Variants in CHEK1 observed in about 807,000 individuals in gnomAD.
CHEK1 encodes serine/threonine-protein kinase Chk1.
In CHEK1, 32 loss-of-function variants were observed where a neutral mutation model predicts 60.2. That is an observed-to-expected ratio of 0.53 (90% CI 0.40 to 0.71). The LOEUF is 0.71. Among genes scored for constraint, CHEK1 ranks in the 30% least tolerant of loss-of-function variants. The pLI, the probability that CHEK1 is intolerant of heterozygous loss-of-function variation, is 0.00. For synonymous variants in CHEK1, 179 were observed against 187.2 expected (o/e 0.96, Z 0.36); for missense variants, 399 against 564.6 (o/e 0.71, Z 2.97).
chr11:125,668,278 G>A (rs1003349369), intron 13 of CHEK1, among the ~76,000 whole-genome samples: 2 of 152,234 alleles, frequency 1.3e-5, no homozygotes, highest in African/African-American at 4.8e-5. Context: ...GTTCCTCGAT[G>A]TTTATATTTC....
intron 13 of CHEK1, among the ~76,000 whole-genome samples, chr11:125,673,212 C>CTTTT (rs11434532): frequency 4.7e-5 from 6 of 126,838 alleles, no homozygotes; most frequent in African/African-American, 1.9e-4. Flanking sequence ...CTTTTCTTTT[C>CTTTT]TTTTTTTTTT....
chr11:125,676,494 A>G, downstream of CHEK1: 2 of 1,613,952 alleles, frequency 1.2e-6, no homozygotes, highest in Non-Finnish European at 1.7e-6. Flanking sequence ...AATTTAAGAT[A>G]AGCCTGATGA....
At chr11:125,667,688 T>G (rs1942124558) in intron 13 of CHEK1, among the ~76,000 whole-genome samples, 1 of 152,198 alleles carries the variant, frequency 6.6e-6, no homozygotes, top group Admixed American at 6.5e-5. Flanking sequence ...TGGCACGATC[T>G]CAGTTCACTG....
Position 125,626,729 on chromosome 11 carries a change from T to A in CHEK1, c.-20-20T>A, listed in dbSNP as rs762669601. On this transcript the variant is annotated intron_variant, in intron 1 of 12. Transcript: ENST00000438015. Reference sequence around the variant, plus strand: ...GTGATCTTACACTCTACATCTTTTCTGGATTCCTGCCTTTTACAGCCGAGG... The same window carrying A: ...GTGATCTTACACTCTACATCTTTTCAGGATTCCTGCCTTTTACAGCCGAGG... 6.2e-7 allele frequency: 1 copy of A among 1,612,544 alleles called. No individual in the cohort carries two copies. Among genetic ancestry groups the A allele is most frequent in the Non-Finnish European group, 8.5e-7 (1 of 1,178,566 alleles).
At chr11:125,640,159 T>C (rs1240986466) in intron 8 of CHEK1, among the ~76,000 whole-genome samples, 4 of 152,232 alleles carry the variant, frequency 2.6e-5, no homozygotes, top group Admixed American at 2.6e-4. Context: ...TTTTGGAACG[T>C]GTTGCCAAGT....
At chr11:125,678,109 CCA>C, downstream of CHEK1, 1 of 1,614,176 alleles carries the variant, frequency 6.2e-7, no homozygotes, top group East Asian at 2.2e-5. Context: ...GTGTGCTCGG[CCA>C]CAGTGTGCTT....
intron 5 of CHEK1, among the ~76,000 whole-genome samples, chr11:125,631,855 C>T (rs1239492002): frequency 2.5e-5 from 2 of 81,420 alleles, no homozygotes; most frequent in African/African-American, 5.2e-5. Context: ...GAGTGAGACA[C>T]TTTCTCAAAA....
intron 5 of CHEK1, among the ~76,000 whole-genome samples, chr11:125,629,921 C>T (rs563936853): frequency 6.6e-6 from 1 of 152,020 alleles, no homozygotes; most frequent in East Asian, 1.9e-4. Context: ...GTGGAGTCTT[C>T]CTGTGTTGCT....
rs191186995 is a variant in CHEK1 at position 125,626,108 on chromosome 11, T to C, written c.-21+96T>C. 1.1e-5 allele frequency: 7 copies of C among 647,304 alleles called. No individual in the cohort carries two copies. In the East Asian group the frequency reaches 1.9e-4, roughly 18 times the overall value. 40.1% of individuals were successfully genotyped at this position (647,304 alleles called of 1,614,324 possible). Reference sequence around the variant, plus strand: ...AGGGCATGGTGGGAGAAAGTTAGCATTGACTAGCGCAGGGGATTGGAGAGA... The same window carrying C: ...AGGGCATGGTGGGAGAAAGTTAGCACTGACTAGCGCAGGGGATTGGAGAGA... On this transcript the variant is annotated intron_variant, in intron 1 of 12. Coordinates refer to ENST00000438015, the MANE Select transcript of CHEK1 (RefSeq NM_001114122.3).
At chr11:125,636,313 T>C (rs3731414) in intron 7 of CHEK1, among the ~76,000 whole-genome samples, 359 of 152,270 alleles carry the variant, frequency 2.4e-3, no homozygotes, top group Non-Finnish European at 4.3e-3. Flanking sequence ...GTTTAAAGGC[T>C]GTGATAATAT....
chr11:125,644,211 A>G lies in CHEK1; in HGVS notation c.1044A>G (p.Thr348=). 1.9e-6 allele frequency: 3 copies of G among 1,614,130 alleles called. No homozygotes were observed. The highest frequency in any genetic ancestry group is 2.5e-6 in the Non-Finnish European group (3 of 1,180,024). ...AAGGGATCAGCTTTTCCCAGCCCAC[A>G]TGTCCTGATCATATGCTTTTGAATA... ...LVQGISFSQP[T]CPDHMLLNSQ... The change falls in exon 10 of 13, where the codon ACA becomes ACG. Residue 348 remains threonine (T), a synonymous_variant. Coordinates refer to ENST00000438015, the MANE Select transcript of CHEK1 (RefSeq NM_001114122.3).
intron 13 of CHEK1, among the ~76,000 whole-genome samples, chr11:125,675,625 G>C (rs1364260153): frequency 2.0e-5 from 3 of 152,172 alleles, no homozygotes; most frequent in Admixed American, 2.0e-4. Flanking sequence ...TACTCAGACT[G>C]GTCTGGTAAC....
intron 13 of CHEK1, chr11:125,672,472 G>T: frequency 8.5e-7 from 1 of 1,179,310 alleles, no homozygotes; most frequent in Non-Finnish European, 1.2e-6. Context: ...GCATCCTAAT[G>T]CTCAGGCAGA....
At chr11:125,676,188 G>T in exon 14 of CHEK1, 1 of 815,262 alleles carries the variant, frequency 1.2e-6, no homozygotes, top group Non-Finnish European at 1.9e-6. Context: ...GATTTTAGGT[G>T]TGAGCCACCT....
chr11:125,636,213 A>C (rs1018370123), intron 7 of CHEK1: 1 of 152,162 alleles, frequency 6.6e-6, no homozygotes, highest in African/African-American at 2.4e-5. Context: ...ATACAAAATG[A>C]GATCACACTA....
At chr11:125,638,843 C>T (rs1022597368) in intron 8 of CHEK1, among the ~76,000 whole-genome samples, 2 of 152,132 alleles carry the variant, frequency 1.3e-5, no homozygotes, top group African/African-American at 4.8e-5. Flanking sequence ...TTGGATCATC[C>T]TCCTGATATC....
intron 13 of CHEK1, chr11:125,671,691 T>C (rs1468372032): frequency 6.6e-6 from 1 of 152,218 alleles, no homozygotes; most frequent in Non-Finnish European, 1.5e-5. Flanking sequence ...TAGCTCTCTG[T>C]AGCTCTGTAA....
chr11:125,652,052 G>A (rs1941756484), intron 11 of CHEK1, among the ~76,000 whole-genome samples: 1 of 152,216 alleles, frequency 6.6e-6, no homozygotes, highest in South Asian at 2.1e-4. Flanking sequence ...AACATAGTGG[G>A]TTATTTCAGT....
downstream of CHEK1, among the ~76,000 whole-genome samples, chr11:125,661,919 TCA>T: frequency 6.6e-6 from 1 of 152,318 alleles, no homozygotes; most frequent in South Asian, 2.1e-4. Flanking sequence ...CACCTTTCAC[TCA>T]GTTTTCCCCA....
Sources: gnomAD v4.1 joint callset for allele counts (sites outside exome capture counted in the v4.1 genomes callset) on GRCh38, gnomAD v4.1.1 for gene constraint, MANE v1.5 for transcripts, NCBI Gene and HGNC (gene_info 2026-07-23, HGNC 2026-07-21) for gene names.